Variants in ERC1 observed in about 807,000 individuals in gnomAD.
The protein encoded by ERC1 is RAB6 interacting protein 2.
A neutral mutation model predicts 132.0 loss-of-function variants in ERC1; 56 were observed. The ratio of observed to expected loss-of-function variants is 0.42; its 90% CI spans 0.34 to 0.53. The LOEUF is 0.53. ERC1 is among the 20% of genes least tolerant of loss of function. The pLI, the probability that ERC1 is intolerant of heterozygous loss-of-function variation, is 0.03. For missense variants in ERC1, 1,202 were observed against 1,349.9 expected (o/e 0.89, Z 1.72); for synonymous variants, 478 against 476.1 (o/e 1.00, Z -0.05).
At chr12:1,367,152 G>C (rs1439033571) in intron 15 of ERC1, among the ~76,000 whole-genome samples, 2 of 152,182 alleles carry the variant, frequency 1.3e-5, no homozygotes. Context: ...ACTCACTCTG[G>C]ATAGTTAATT....
intron 1 of ERC1, 120 bp downstream of exon 1, chr12:991,442 T>C (rs1400615077): frequency 2.0e-5 from 3 of 152,262 alleles, no homozygotes; most frequent in African/African-American, 4.9e-5. Context: ...CGGCCCGGGC[T>C]GGGCTGGGCA....
chr12:1,425,462 C>T (rs2092605886), intron 17 of ERC1, among the ~76,000 whole-genome samples: 1 of 152,232 alleles, frequency 6.6e-6, no homozygotes, highest in South Asian at 2.1e-4. Flanking sequence ...GAATCTCTGA[C>T]TGTCCTAAGA....
intron 18 of ERC1, among the ~76,000 whole-genome samples, chr12:1,472,417 G>A (rs1246747637): frequency 1.3e-5 from 2 of 152,202 alleles, no homozygotes; most frequent in Admixed American, 6.5e-5. Flanking sequence ...GGGAAGCCAA[G>A]GTGGGAGGAT....
chr12:1,221,453 T>G (rs372676972), intron 12 of ERC1, among the ~76,000 whole-genome samples: 13 of 152,294 alleles, frequency 8.5e-5, no homozygotes, highest in African/African-American at 3.1e-4. Flanking sequence ...CCTTGCTGAT[T>G]AAAAAAATGT....
At chr12:1,093,038 A>C (rs1264278087) in intron 3 of ERC1, among the ~76,000 whole-genome samples, 1 of 152,240 alleles carries the variant, frequency 6.6e-6, no homozygotes, top group Non-Finnish European at 1.5e-5. Flanking sequence ...ATTTCTTTTC[A>C]GCATGTACAA....
intron 8 of ERC1, among the ~76,000 whole-genome samples, chr12:1,142,297 T>C (rs1949929073): frequency 6.6e-6 from 1 of 152,208 alleles, no homozygotes. Context: ...TTTCAGTTAA[T>C]ATATTTTGGT....
chr12:1,191,532 A>C (rs566382236), intron 12 of ERC1, among the ~76,000 whole-genome samples: 1 of 152,272 alleles, frequency 6.6e-6, no homozygotes, highest in South Asian at 2.1e-4. Flanking sequence ...ATTTGAAATT[A>C]TTGCTTGCTA....
At chr12:1,153,637 A>G (rs1378918546) in intron 8 of ERC1, among the ~76,000 whole-genome samples, 1 of 152,246 alleles carries the variant, frequency 6.6e-6, no homozygotes. Flanking sequence ...CAAACATTCC[A>G]GTTACCAAAG....
At chr12:1,394,036 AAAAAAAAACC>A (rs1167021123) in intron 16 of ERC1, among the ~76,000 whole-genome samples, 1,621 of 118,400 alleles carry the variant, frequency 0.014, 122 homozygotes, top group African/African-American at 0.052. Context: ...AAAAAAAACA[AAAAAAAAACC>A]ACAAAGCATT....
At chr12:1,415,955 A>G (rs2092099774) in intron 17 of ERC1, among the ~76,000 whole-genome samples, 1 of 152,218 alleles carries the variant, frequency 6.6e-6, no homozygotes, top group Non-Finnish European at 1.5e-5. Flanking sequence ...TACAGGGCTC[A>G]TAGACGTTAA....
At chr12:1,368,371 ACTT>A (rs1462024405) in intron 15 of ERC1, among the ~76,000 whole-genome samples, 19 of 152,266 alleles carry the variant, frequency 1.2e-4, no homozygotes, top group African/African-American at 4.3e-4. Context: ...ACTGTGTACT[ACTT>A]TTATCAGAAA....
intron 16 of ERC1, chr12:1,386,080 A>C (rs12304139): frequency 0.32 from 42,185 of 131,652 alleles, 6,447 homozygotes; most frequent in Middle Eastern, 0.43. Flanking sequence ...TGCTCTTTCG[A>C]CCAAGCTGGA....
intron 1 of ERC1, among the ~76,000 whole-genome samples, chr12:1,014,749 AT>A (rs931931970): frequency 3.3e-5 from 5 of 151,070 alleles, no homozygotes; most frequent in African/African-American, 9.7e-5. Context: ...TATTTACTTA[AT>A]TTTTTTTTGT....
At chr12:1,091,998 A>ATT (rs1257379725) in intron 3 of ERC1, among the ~76,000 whole-genome samples, 2 of 103,244 alleles carry the variant, frequency 1.9e-5, no homozygotes, top group Non-Finnish European at 4.5e-5. Flanking sequence ...CATTTAATCA[A>ATT]TTCTTTTTTT....
chr12:1,213,330 G>C (rs1458414516), intron 12 of ERC1, among the ~76,000 whole-genome samples: 4 of 152,218 alleles, frequency 2.6e-5, no homozygotes, highest in Non-Finnish European at 5.9e-5. Flanking sequence ...TTCTGTGGAA[G>C]AACTAAACTC....
At chr12:1,484,606 G>A (rs1184538478) in intron 18 of ERC1, among the ~76,000 whole-genome samples, 3 of 145,454 alleles carry the variant, frequency 2.1e-5, no homozygotes, top group Admixed American at 6.7e-5. Context: ...TTGAGATGGA[G>A]TCTTGCTCTC....
intron 4 of ERC1, among the ~76,000 whole-genome samples, chr12:1,108,801 T>G (rs542833430): frequency 6.6e-5 from 10 of 152,348 alleles, no homozygotes; most frequent in African/African-American, 2.4e-4. Flanking sequence ...TTCATTGTGA[T>G]ATTTTTAAAG....
intron 17 of ERC1, among the ~76,000 whole-genome samples, chr12:1,441,767 A>G (rs1007897819): frequency 2.5e-4 from 38 of 152,340 alleles, no homozygotes; most frequent in African/African-American, 8.7e-4. Context: ...ATGAGGAATG[A>G]AATAGGGATA....
At position 1,382,634 on chromosome 12, in the gene ERC1, G is replaced by T. The variant is rs187857889; in HGVS notation, c.2925+10657G>T. Among the ~76,000 whole-genome samples the T allele has an allele frequency of 4.9e-4, 75 of 152,234 alleles. 2 individuals are homozygous for T. The highest frequency in any genetic ancestry group is 4.6e-3 in the Admixed American group (71 of 15,294). ...ATAATATTGGGTGGATAGATCAAAT[G>T]ATTTTAAAGTCTAAAATTCATTATT... On this transcript the variant is annotated intron_variant, in intron 16 of 18. Transcript: ENST00000360905.
Sources: gnomAD v4.1 joint callset for allele counts (sites outside exome capture counted in the v4.1 genomes callset) on GRCh38, gnomAD v4.1.1 for gene constraint, MANE v1.5 for transcripts, NCBI Gene and HGNC (gene_info 2026-07-23, HGNC 2026-07-21) for gene names.